Variants in GLYR1 observed in about 807,000 individuals in gnomAD.
GLYR1 encodes glyoxylate reductase 1 homolog.
Under a neutral mutation model 72.7 loss-of-function variants are expected in GLYR1, and 21 were observed. The observed-to-expected ratio is 0.29, with a 90% confidence interval of 0.20 to 0.42. The LOEUF (loss-of-function observed/expected upper bound fraction) is 0.42. GLYR1 is among the 10% of genes least tolerant of loss of function. The pLI is 1.00. For missense variants in GLYR1, 594 were observed against 712.1 expected, an observed-to-expected ratio of 0.83 and a Z score of 1.89; for synonymous variants, 392 against 270.2, an observed-to-expected ratio of 1.45 and a Z score of -4.42.
At chr16:4,821,305 A>T (rs2084008161) in intron 9 of GLYR1, 75 bp downstream of exon 9, 7 of 1,475,772 alleles carry the variant, frequency 4.7e-6, no homozygotes, top group South Asian at 3.4e-5. Flanking sequence ...CCCTTAAAGA[A>T]CCCCCCTGGG....
At chr16:4,819,852 G>A (rs1217918847) in intron 9 of GLYR1, among the ~76,000 whole-genome samples, 1 of 152,076 alleles carries the variant, frequency 6.6e-6, no homozygotes, top group Non-Finnish European at 1.5e-5. Context: ...CTTGCTAACT[G>A]CTTCAAGTTG....
chr16:4,808,434 T>C (rs1002657922), intron 15 of GLYR1, among the ~76,000 whole-genome samples: 3 of 151,266 alleles, frequency 2.0e-5, no homozygotes, highest in African/African-American at 4.9e-5. Flanking sequence ...GTATCTCTAC[T>C]AAAAATACAA....
At chr16:4,844,488 C>T (rs1018549494) in intron 3 of GLYR1, among the ~76,000 whole-genome samples, 19 of 152,296 alleles carry the variant, frequency 1.2e-4, no homozygotes, top group Middle Eastern at 3.4e-3. Flanking sequence ...AAAATAATTG[C>T]CAGCTGGGCG....
intron 10 of GLYR1, among the ~76,000 whole-genome samples, chr16:4,816,423 G>A (rs911301184): frequency 1.4e-4 from 22 of 152,174 alleles, no homozygotes; most frequent in African/African-American, 5.3e-4. Flanking sequence ...GATTATAGGT[G>A]TGAGCCTATT....
chr16:4,833,511 A>T (rs184071271), intron 3 of GLYR1, among the ~76,000 whole-genome samples: 89 of 152,282 alleles, frequency 5.8e-4, no homozygotes, highest in Admixed American at 2.6e-3. Flanking sequence ...CACTGAGCCT[A>T]TATTTGTTCA....
intron 3 of GLYR1, among the ~76,000 whole-genome samples, chr16:4,835,787 T>C (rs2085092270): frequency 1.3e-5 from 2 of 152,148 alleles, no homozygotes; most frequent in Non-Finnish European, 2.9e-5. Flanking sequence ...GCCAGTATTG[T>C]GCCACTGCAC....
chr16:4,812,121 C>A lies in GLYR1; in HGVS notation c.1247G>T (p.Cys416Phe). Residue 416 changes from cysteine (C) to phenylalanine (F), a missense_variant, in exon 13 of 16, where the codon TGC becomes TTC. Transcript: ENST00000321919. The part of the protein sequence containing the change: ...DRGLYEDCSS[C>F]FQAMGKTSFF... Reference sequence around the variant, plus strand: ...GGAGGTCTTCCCCATCGCCTGGAAGCAGCTGCTGCAGTCCTCATATAAGCC... The same window carrying A: ...GGAGGTCTTCCCCATCGCCTGGAAGAAGCTGCTGCAGTCCTCATATAAGCC... 2.5e-6 allele frequency: 4 copies of A among 1,614,124 alleles called. No homozygotes were observed. Among genetic ancestry groups the A allele is most frequent in the Non-Finnish European group, 3.4e-6 (4 of 1,180,000 alleles).
At position 4,804,960 on chromosome 16, in the gene GLYR1, T is replaced by C. The variant is rs2082885246; in HGVS notation, c.*276A>G. ...GTGTGTGTGTGTGTGTGTGTGTGTG[T>C]GTGTGTGTGTGAACACACAGCCACC... On this transcript the variant is annotated 3_prime_UTR_variant, in exon 16 of 16. Transcript: ENST00000321919. 4 of 531,676 alleles carry C rather than the reference T, an allele frequency of 7.5e-6. No individual in the cohort carries two copies. In the East Asian group the frequency reaches 1.3e-4, roughly 17 times the overall value. The allele number at this position is 531,676 out of a possible 1,614,324, so 32.9% of individuals were successfully genotyped here. A position where few individuals can be genotyped will look rare whatever the true frequency, so the allele number is the denominator to read the frequency against.
At chr16:4,806,276 G>T (rs2082962885) in intron 15 of GLYR1, among the ~76,000 whole-genome samples, 1 of 152,212 alleles carries the variant, frequency 6.6e-6, no homozygotes, top group Admixed American at 6.5e-5. Flanking sequence ...CTTAAAGGAT[G>T]AGGGAGAGGA....
At chr16:4,805,428 C>T (rs996652634) in intron 15 of GLYR1, 118 bp from the exon 16 acceptor site, 34 of 813,526 alleles carry the variant, frequency 4.2e-5, no homozygotes, top group Middle Eastern at 2.3e-4. Flanking sequence ...CCAGGCTGTC[C>T]GGTTAGGAAT....
chr16:4,809,082 A>G (rs940319047), intron 15 of GLYR1, among the ~76,000 whole-genome samples: 2 of 152,112 alleles, frequency 1.3e-5, no homozygotes, highest in African/African-American at 2.4e-5. Flanking sequence ...CCCCAATTAC[A>G]TACTGTCTAT....
chr16:4,823,021 A>G, intron 6 of GLYR1, 90 bp from the exon 7 acceptor site: 2 of 1,031,552 alleles, frequency 1.9e-6, no homozygotes, highest in East Asian at 2.4e-5. Flanking sequence ...CTCTGGCTGC[A>G]ACACCTCTGG....
chr16:4,818,616 C>G (rs912043968), intron 9 of GLYR1, among the ~76,000 whole-genome samples: 3 of 152,144 alleles, frequency 2.0e-5, no homozygotes, highest in Admixed American at 2.0e-4. Context: ...CAGAATCCAC[C>G]ACAAGTCACT....
At position 4,804,933 on chromosome 16, in the gene GLYR1, C is replaced by CTGTGTGTG. The variant is rs143624351; in HGVS notation, c.*295_*302dup. On this transcript the variant is annotated 3_prime_UTR_variant, in exon 16 of 16. Coordinates refer to ENST00000321919, the MANE Select transcript of GLYR1 (RefSeq NM_032569.4). Reference sequence around the variant, plus strand: ...GCAGCTTCTATCCTGGGGCGAGAGCCTGTGTGTGTGTGTGTGTGTGTGTGT... The same window carrying CTGTGTGTG: ...GCAGCTTCTATCCTGGGGCGAGAGCCTGTGTGTGTGTGTGTGTGTGTGTGTGTGTGTGT... The CTGTGTGTG allele has an allele frequency of 6.7e-3, 1,990 of 297,400 alleles. 24 individuals carry two copies. The highest frequency in any genetic ancestry group is 0.012 in the Middle Eastern group (11 of 948). The allele number at this position is 297,400 out of a possible 1,614,324, so 18.4% of individuals were successfully genotyped here.
At position 4,837,011 on chromosome 16, in the gene GLYR1, TA is replaced by T. The variant is rs557892430; in HGVS notation, c.156-4100del. Among the ~76,000 whole-genome samples the T allele has an allele frequency of 2.2e-3, 334 of 152,240 alleles. 2 individuals are homozygous for T. Among genetic ancestry groups the T allele is most frequent in the African/African-American group, 7.7e-3 (319 of 41,532 alleles). ...CCCTGGTGACCTGACACTCTTCCTA[TA>T]AAAAGTCTCTTCATCTATGAATACA... is the stretch of plus-strand genomic sequence containing the variant. On this transcript the variant is annotated intron_variant, in intron 3 of 15. Transcript: ENST00000321919.
chr16:4,826,838 G>T (rs1440656731), intron 5 of GLYR1, among the ~76,000 whole-genome samples: 1 of 152,104 alleles, frequency 6.6e-6, no homozygotes, highest in African/African-American at 2.4e-5. Flanking sequence ...AGCTGTCTTG[G>T]GTGGTGCAGC....
intron 10 of GLYR1, among the ~76,000 whole-genome samples, chr16:4,815,063 G>C (rs777325787): frequency 1.3e-5 from 2 of 151,958 alleles, no homozygotes; most frequent in Non-Finnish European, 2.9e-5. Context: ...CAACACTGTT[G>C]TCAGGTTAAT....
At chr16:4,825,353 C>G (rs189948250) in intron 5 of GLYR1, among the ~76,000 whole-genome samples, 10 of 152,196 alleles carry the variant, frequency 6.6e-5, no homozygotes, top group East Asian at 1.9e-4. Context: ...CTTTCCCCCC[C>G]GCACCAAACA....
intron 5 of GLYR1, among the ~76,000 whole-genome samples, chr16:4,824,847 G>T (rs2084278206): frequency 6.6e-6 from 1 of 152,038 alleles, no homozygotes; most frequent in East Asian, 1.9e-4. Flanking sequence ...CTCCCTTCCA[G>T]CCACAGTGGC....
Sources: gnomAD v4.1 joint callset for allele counts (sites outside exome capture counted in the v4.1 genomes callset) on GRCh38, gnomAD v4.1.1 for gene constraint, MANE v1.5 for transcripts, NCBI Gene and HGNC (gene_info 2026-07-23, HGNC 2026-07-21) for gene names.